Variants in GNAZ observed in about 807,000 individuals in gnomAD.
GNAZ encodes guanine nucleotide-binding protein G(z) subunit alpha.
A neutral mutation model predicts 25.4 loss-of-function variants in GNAZ; 3 were observed. The observed-to-expected ratio is 0.12, with a 90% CI of 0.05 to 0.30. The LOEUF (loss-of-function observed/expected upper bound fraction) is 0.30. GNAZ is among the 10% of genes least tolerant of loss of function. The pLI is 1.00. For synonymous variants in GNAZ, 211 were observed against 205.7 expected (o/e 1.03, Z -0.22); for missense variants, 241 against 501.8 (o/e 0.48, Z 4.97).
intron 2 of GNAZ, among the ~76,000 whole-genome samples, chr22:23,119,728 G>A (rs187574485): frequency 7.2e-5 from 11 of 152,310 alleles, no homozygotes; most frequent in South Asian, 2.1e-4. Flanking sequence ...TGCTTCCCAC[G>A]CTCTGAAGCT....
In GNAZ at chr22:23,086,994, G is replaced by A. The variant is rs150194722; in HGVS notation, c.-449-8253G>A. Among the ~76,000 whole-genome samples, 137 of 152,372 alleles carry A rather than the reference G, an allele frequency of 9.0e-4. No homozygotes were observed. In the East Asian group the frequency reaches 0.019, roughly 21 times the overall value. On this transcript the variant is annotated intron_variant, in intron 1 of 2. Transcript: ENST00000615612. ...GTCAGCTGGAAGCACATGCGGCTCC[G>A]ATAAGTCGGGCGTAAAAGGGCAGTG...
intron 2 of GNAZ, among the ~76,000 whole-genome samples, chr22:23,119,692 G>A (rs559033435): frequency 6.6e-6 from 1 of 152,326 alleles, no homozygotes; most frequent in East Asian, 1.9e-4. Context: ...AGGGACGCTG[G>A]GATGGAGTGA....
intron 2 of GNAZ, among the ~76,000 whole-genome samples, chr22:23,110,848 C>T (rs1035509651): frequency 7.2e-5 from 11 of 152,178 alleles, no homozygotes; most frequent in South Asian, 2.1e-4. Flanking sequence ...ACCCAAGGGC[C>T]CACCACACTC....
intron 1 of GNAZ, among the ~76,000 whole-genome samples, chr22:23,093,793 G>A (rs188677646): frequency 1.2e-4 from 19 of 152,196 alleles, no homozygotes; most frequent in Admixed American, 8.5e-4. Flanking sequence ...GGAAAGAGGC[G>A]GCATTAGAGC....
chr22:23,121,422 C>T (rs1601839603), intron 2 of GNAZ, among the ~76,000 whole-genome samples: 2 of 152,318 alleles, frequency 1.3e-5, no homozygotes, highest in South Asian at 4.1e-4. Flanking sequence ...TCCTGGGCAC[C>T]CCTGCCCTCA....
Position 23,071,410 on chromosome 22 carries a change from C to G in GNAZ, c.-450+840C>G, listed in dbSNP as rs969783408. ...AGCGAGACCAGCGTTCCGCGTAGTC[C>G]GTGTTGGGGTGGAGGGACCCGCCTG... On this transcript the variant is annotated intron_variant, in intron 1 of 2. Coordinates refer to ENST00000615612, the MANE Select transcript of GNAZ (RefSeq NM_002073.4). The surrounding 1 kb of genome is among the most constrained non-coding windows in gnomAD (Gnocchi z 4.1). Among the ~76,000 whole-genome samples, 1 of 152,192 alleles carries G rather than the reference C, an allele frequency of 6.6e-6. No homozygotes were observed. The highest frequency in any genetic ancestry group is 1.5e-5 in the Non-Finnish European group (1 of 68,026).
At chr22:23,072,235 G>A (rs1410082623) in intron 1 of GNAZ, among the ~76,000 whole-genome samples, 1 of 152,170 alleles carries the variant, frequency 6.6e-6, no homozygotes, top group Non-Finnish European at 1.5e-5. Context: ...GTGACTCTGT[G>A]CCTCTGGGAT....
intron 2 of GNAZ, among the ~76,000 whole-genome samples, chr22:23,120,967 A>C (rs574566695): frequency 1.3e-5 from 2 of 152,228 alleles, no homozygotes; most frequent in Admixed American, 6.5e-5. Flanking sequence ...TTTCTATGAG[A>C]AATGACAGCT....
intron 1 of GNAZ, among the ~76,000 whole-genome samples, chr22:23,079,538 G>A (rs184735242): frequency 7.9e-5 from 12 of 152,270 alleles, no homozygotes; most frequent in East Asian, 1.9e-4. Context: ...ACTTTGACTC[G>A]GGGTCTGCCC....
chr22:23,085,490 G>A (rs1034164822), intron 1 of GNAZ, among the ~76,000 whole-genome samples: 8 of 152,230 alleles, frequency 5.3e-5, no homozygotes, highest in African/African-American at 9.6e-5. Context: ...CTGGGCGCAC[G>A]TGCTGGGTGA....
intron 2 of GNAZ, among the ~76,000 whole-genome samples, chr22:23,112,039 G>C (rs962057097): frequency 6.6e-6 from 1 of 152,170 alleles, no homozygotes; most frequent in East Asian, 1.9e-4. Flanking sequence ...TGGAGCCTTG[G>C]GGGTAACCAG....
Position 23,123,110 on chromosome 22 carries a change from C to T in GNAZ, c.747C>T (p.Arg249=), listed in dbSNP as rs2070078490. 1 of 1,613,338 alleles carries T rather than the reference C, an allele frequency of 6.2e-7. No individual in the cohort carries two copies. Among genetic ancestry groups the T allele is most frequent in the African/African-American group, 1.3e-5 (1 of 74,898 alleles). The change falls in exon 3 of 3, where the codon CGC becomes CGT. Residue 249 remains arginine, a synonymous_variant. Transcript: ENST00000615612. ...AGAGTCGGATGGCAGAGAGCTTGCG[C>T]CTCTTTGACTCCATCTGCAACAACA... The part of the protein sequence containing the change: ...NQTSRMAESL[R]LFDSICNNNW...
rs2069122359 is a variant in GNAZ at position 23,096,315 on chromosome 22, C to T, written c.620C>T (p.Ser207Leu). 1 of 1,613,806 alleles carries T rather than the reference C, an allele frequency of 6.2e-7. No homozygotes were observed. The highest frequency in any genetic ancestry group is 8.5e-7 in the Non-Finnish European group (1 of 1,180,024). The change falls in exon 2 of 3, where the codon TCA becomes TTA. Residue 207 changes from serine to leucine, a missense_variant. Transcript: ENST00000615612. ...FKMVDVGGQR[S>L]ERKKWIHCFE... is the part of the protein sequence containing the mutation. Reference sequence around the variant, plus strand: ...ATGGTGGACGTGGGGGGGCAGAGGTCAGAGCGCAAAAAGTGGATCCACTGC... The same window carrying T: ...ATGGTGGACGTGGGGGGGCAGAGGTTAGAGCGCAAAAAGTGGATCCACTGC...
chr22:23,078,758 G>A (rs1264178748), intron 1 of GNAZ, among the ~76,000 whole-genome samples: 2 of 152,234 alleles, frequency 1.3e-5, no homozygotes, highest in Admixed American at 6.5e-5. Context: ...GGGCTGAGGG[G>A]CCATGCAATG....
At chr22:23,111,170 T>C (rs2069645496) in intron 2 of GNAZ, among the ~76,000 whole-genome samples, 1 of 152,184 alleles carries the variant, frequency 6.6e-6, no homozygotes, top group Non-Finnish European at 1.5e-5. Context: ...GTGGCCTCAC[T>C]GTCTGCCTGG....
At chr22:23,075,237 G>A (rs993118398) in intron 1 of GNAZ, among the ~76,000 whole-genome samples, 8 of 152,136 alleles carry the variant, frequency 5.3e-5, no homozygotes, top group Non-Finnish European at 7.4e-5. Flanking sequence ...GGTGGGTTGC[G>A]TTGGACTTTC....
Position 23,123,332 on chromosome 22 carries a change from C to T in GNAZ, c.969C>T (p.His323=). 6.2e-7 allele frequency: 1 copy of T among 1,613,986 alleles called. No individual in the cohort carries two copies. Among genetic ancestry groups the T allele is most frequent in the Non-Finnish European group, 8.5e-7 (1 of 1,179,930 alleles). The change falls in exon 3 of 3, where the codon CAC becomes CAT. Residue 323 remains histidine (H), a synonymous_variant. Coordinates refer to ENST00000615612, the MANE Select transcript of GNAZ (RefSeq NM_002073.4). ...RNKETKEIYS[H]FTCATDTSNI... Reference sequence around the variant, plus strand: ...AGGAGACCAAGGAGATCTACTCCCACTTCACCTGCGCCACCGACACCAGTA... The same window carrying T: ...AGGAGACCAAGGAGATCTACTCCCATTTCACCTGCGCCACCGACACCAGTA...
chr22:23,116,196 G>T (rs2069830985), intron 2 of GNAZ, among the ~76,000 whole-genome samples: 5 of 152,272 alleles, frequency 3.3e-5, no homozygotes, highest in Admixed American at 3.3e-4. Context: ...GCAACAGGCT[G>T]CCAGGTGAGG....
In GNAZ at chr22:23,123,482, T is replaced by C. The variant is rs781360028; in HGVS notation, c.*51T>C. The C allele has an allele frequency of 4.8e-6, 6 of 1,245,066 alleles. No individual in the cohort carries two copies. Among genetic ancestry groups the C allele is most frequent in the South Asian group, 3.9e-5 (3 of 76,772 alleles). 77.1% of individuals were successfully genotyped at this position (1,245,066 alleles called of 1,614,324 possible). On this transcript the variant is annotated 3_prime_UTR_variant, in exon 3 of 3. Transcript: ENST00000615612. Reference sequence around the variant, plus strand: ...CTATGGTGAAACCCACGGGGTGTCATGCCCCAACGCGTGCTAGAGAGGCCC... The same window carrying C: ...CTATGGTGAAACCCACGGGGTGTCACGCCCCAACGCGTGCTAGAGAGGCCC...
Sources: gnomAD v4.1 joint callset for allele counts (sites outside exome capture counted in the v4.1 genomes callset) on GRCh38, gnomAD v4.1.1 for gene constraint, Gnocchi (gnomAD v3.1) non-coding constraint, MANE v1.5 for transcripts, NCBI Gene and HGNC (gene_info 2026-07-23, HGNC 2026-07-21) for gene names.